The following COP1 variants were observed in gnomAD, a reference collection of about 807,000 sequenced individuals.
COP1 encodes the protein E3 ubiquitin-protein ligase COP1.
Under a neutral mutation model 101.3 loss-of-function variants are expected in COP1, and 24 were observed. The ratio of observed to expected loss-of-function variants is 0.24; its 90% CI spans 0.17 to 0.33. The LOEUF is 0.33. Ranked by LOEUF, COP1 falls within the 10% of genes least tolerant of loss-of-function variation. The pLI is 1.00. For synonymous variants in COP1, 347 were observed against 341.9 expected (o/e 1.01, Z -0.17); for missense variants, 663 against 906.2 (o/e 0.73, Z 3.45).
At chr1:176,065,493 T>G (rs1056489925) in intron 11 of COP1, among the ~76,000 whole-genome samples, 1 of 152,202 alleles carries the variant, frequency 6.6e-6, no homozygotes, top group Non-Finnish European at 1.5e-5. Context: ...TGACATCAGT[T>G]ATTTGTAAGT....
At chr1:176,176,471 A>C (rs1164394512) in intron 2 of COP1, among the ~76,000 whole-genome samples, 2 of 152,238 alleles carry the variant, frequency 1.3e-5, no homozygotes, top group African/African-American at 4.8e-5. Flanking sequence ...TTCACGAGTC[A>C]CAAAAAGCTG....
In COP1 at chr1:176,004,612, T is replaced by C. The variant is rs982055633; in HGVS notation, c.1730-15133A>G. ...TTTTCTGCATCTATTGAGATAATCA[T>C]GTGGTTTTTGTCTTTGGCTCTGTTT... On this transcript the variant is annotated intron_variant, in intron 15 of 19. Transcript: ENST00000367669. Among the ~76,000 whole-genome samples, 5 of 152,150 alleles carry C rather than the reference T, an allele frequency of 3.3e-5. No homozygotes were observed. The East Asian group carries it at 5.8e-4, about 18-fold the overall frequency.
intron 6 of COP1, among the ~76,000 whole-genome samples, chr1:176,140,218 A>G (rs1690457548): frequency 6.6e-6 from 1 of 152,198 alleles, no homozygotes; most frequent in African/African-American, 2.4e-5. Flanking sequence ...GCTTCTATAC[A>G]TAAGGTGAAC....
chr1:176,022,624 T>C (rs1666943954), intron 15 of COP1, among the ~76,000 whole-genome samples: 2 of 152,232 alleles, frequency 1.3e-5, no homozygotes, highest in South Asian at 4.1e-4. Flanking sequence ...TTTCTAGTTG[T>C]AAAGTTTTTC....
At chr1:176,179,861 CA>C (rs548040625) in intron 2 of COP1, among the ~76,000 whole-genome samples, 4,590 of 130,002 alleles carry the variant, frequency 0.035, 159 homozygotes, top group African/African-American at 0.1. Flanking sequence ...ATCTCTCAGA[CA>C]AAAAAAAAAA....
At chr1:175,967,753 G>T (rs1176486082) in intron 18 of COP1, among the ~76,000 whole-genome samples, 1 of 152,210 alleles carries the variant, frequency 6.6e-6, no homozygotes, top group African/African-American at 2.4e-5. Context: ...CTTTCTTAAT[G>T]AGAAAATCTT....
At chr1:176,021,982 A>G (rs1041540943) in intron 15 of COP1, among the ~76,000 whole-genome samples, 5 of 152,154 alleles carry the variant, frequency 3.3e-5, no homozygotes, top group African/African-American at 1.2e-4. Flanking sequence ...TTGCTTTTCT[A>G]TCATAGAAAG....
intron 1 of COP1, among the ~76,000 whole-genome samples, chr1:176,194,636 CAAACAACAA>C (rs778327369): frequency 1.1e-4 from 16 of 150,932 alleles, no homozygotes; most frequent in Non-Finnish European, 2.1e-4. Context: ...GACTCTGTCT[CAAACAACAA>C]AAACAACAAA....
At position 176,152,293 on chromosome 1, in the gene COP1, T is replaced by C. The variant is rs570709841; in HGVS notation, c.763-3219A>G. On this transcript the variant is annotated intron_variant, in intron 5 of 19. Transcript: ENST00000367669. ...AAAAAAAATTATACATAATAGAGAG[T>C]GTGTGCAGTAAATAAAAACAATTAA... Among the ~76,000 whole-genome samples, 30 of 150,926 alleles carry C rather than the reference T, an allele frequency of 2.0e-4. No individual in the cohort carries two copies. In the South Asian group the frequency reaches 6.1e-3, roughly 30 times the overall value.
At chr1:175,992,652 G>A (rs1437843397) in intron 15 of COP1, among the ~76,000 whole-genome samples, 1 of 152,234 alleles carries the variant, frequency 6.6e-6, no homozygotes, top group Non-Finnish European at 1.5e-5. Context: ...TGCAAGCACA[G>A]CAGTCTGAGA....
At chr1:176,120,471 C>G (rs1437184005) in intron 8 of COP1, among the ~76,000 whole-genome samples, 1 of 151,488 alleles carries the variant, frequency 6.6e-6, no homozygotes, top group African/African-American at 2.4e-5. Flanking sequence ...CAAAAAACGT[C>G]AAGGGAAAAA....
intron 8 of COP1, among the ~76,000 whole-genome samples, chr1:176,127,601 A>ATGTG (rs71129556): frequency 1.3e-5 from 2 of 148,744 alleles, no homozygotes; most frequent in African/African-American, 5.0e-5. Flanking sequence ...ATGTGTATAT[A>ATGTG]TGTGTGTGTG....
chr1:176,024,448 C>CA (rs1241623727), intron 15 of COP1, among the ~76,000 whole-genome samples: 1 of 152,120 alleles, frequency 6.6e-6, no homozygotes, highest in East Asian at 1.9e-4. Context: ...CTATTCATAA[C>CA]AAAAACTCTT....
At chr1:176,078,009 A>G (rs1678374736) in intron 11 of COP1, among the ~76,000 whole-genome samples, 1 of 152,226 alleles carries the variant, frequency 6.6e-6, no homozygotes, top group South Asian at 2.1e-4. Flanking sequence ...ACACAAATAA[A>G]TGGAAAATCC....
chr1:176,081,295 A>G lies in COP1; in HGVS notation c.1142-8T>C, dbSNP rs557168088. 14 of 214,672 alleles carry G rather than the reference A, an allele frequency of 6.5e-5. No individual in the cohort carries two copies. In the South Asian group the frequency reaches 7.0e-4, roughly 11 times the overall value. The allele number at this position is 214,672 out of a possible 1,614,324, so 13.3% of individuals were successfully genotyped here. ...TTGCAGTTCGACTGTCATCTATATG[A>G]AAAAAAAAAAAAAAAGACAAAACAG... On this transcript the variant is annotated splice_region_variant and splice_polypyrimidine_tract_variant and intron_variant, in intron 10 of 19. Transcript: ENST00000367669.
intron 8 of COP1, among the ~76,000 whole-genome samples, chr1:176,126,542 T>G (rs1190991150): frequency 1.3e-5 from 2 of 152,064 alleles, no homozygotes. Context: ...CTGCAACCTC[T>G]GCCTCCCGGG....
Position 176,206,970 on chromosome 1 carries a change from A to G in COP1, c.9T>C (p.Gly3=), listed in dbSNP as rs1476755083. The change falls in exon 1 of 20, where the codon GGT becomes GGC. Residue 3 remains glycine (G), a synonymous_variant. Coordinates refer to ENST00000367669, the MANE Select transcript of COP1 (RefSeq NM_022457.7). ...CGGAGCCCGACCCGGCCTGGCGGCT[A>G]CCAGACATCGTGACTCCCTCCCCTC... MS[G]SRQAGSGSAG... The G allele has an allele frequency of 3.5e-6, 5 of 1,410,894 alleles. No homozygotes were observed. Among genetic ancestry groups the G allele is most frequent in the African/African-American group, 1.5e-5 (1 of 66,552 alleles). 87.4% of individuals were successfully genotyped at this position (1,410,894 alleles called of 1,614,324 possible).
chr1:176,059,506 A>T (rs943559440), intron 11 of COP1, among the ~76,000 whole-genome samples: 3 of 151,710 alleles, frequency 2.0e-5, no homozygotes, highest in Non-Finnish European at 2.9e-5. Context: ...TTTTTGAGAC[A>T]GAGTCTCACT....
chr1:175,956,814 T>A (rs1224580119), intron 18 of COP1, among the ~76,000 whole-genome samples: 1 of 152,170 alleles, frequency 6.6e-6, no homozygotes, highest in Non-Finnish European at 1.5e-5. Context: ...CTCAGGCAGG[T>A]CCTTCAGGAG....
Sources: allele counts gnomAD v4.1 joint callset (sites outside exome capture counted in the v4.1 genomes callset), GRCh38; gene constraint gnomAD v4.1.1; transcripts MANE v1.5; gene names NCBI Gene and HGNC (gene_info 2026-07-23, HGNC 2026-07-21).